ULK4: variants seen among roughly 807,000 people sequenced by gnomAD.
ULK4 encodes unc-51 like kinase 4.
A neutral mutation model predicts 160.6 loss-of-function variants in ULK4; 133 were observed. The observed-to-expected ratio is 0.83, with a 90% CI of 0.72 to 0.96. The LOEUF is 0.96. Ranked by LOEUF, ULK4 falls within the 40% of genes least tolerant of loss-of-function variation. The pLI, the probability that ULK4 is intolerant of heterozygous loss-of-function variation, is 0.00. For synonymous variants in ULK4, 534 were observed against 539.8 expected (o/e 0.99, Z 0.15); for missense variants, 1,580 against 1,499.5 (o/e 1.05, Z -0.89).
At chr3:41,383,069 A>C (rs2125796924) in intron 35 of ULK4, among the ~76,000 whole-genome samples, 1 of 152,022 alleles carries the variant, frequency 6.6e-6, no homozygotes, top group Non-Finnish European at 1.5e-5. Context: ...TTACAACCAC[A>C]AGGAGGTATT....
chr3:41,697,235 C>T (rs546781045), intron 27 of ULK4, among the ~76,000 whole-genome samples: 98 of 152,236 alleles, frequency 6.4e-4, no homozygotes, highest in African/African-American at 2.1e-3. Flanking sequence ...GGCACAATGA[C>T]GCTTCGGTCA....
chr3:41,553,888 C>A (rs996595294), intron 32 of ULK4, among the ~76,000 whole-genome samples: 1 of 152,016 alleles, frequency 6.6e-6, no homozygotes, highest in Non-Finnish European at 1.5e-5. Context: ...TTTATTATAG[C>A]CACCCTGTTG....
intron 34 of ULK4, among the ~76,000 whole-genome samples, chr3:41,453,947 T>C (rs1335956399): frequency 2.1e-5 from 3 of 142,392 alleles, no homozygotes; most frequent in South Asian, 4.5e-4. Context: ...AAACACCACA[T>C]GTTCTCACTC....
At chr3:41,336,779 C>A (rs1038288692) in intron 35 of ULK4, among the ~76,000 whole-genome samples, 1 of 152,032 alleles carries the variant, frequency 6.6e-6, no homozygotes. Flanking sequence ...GGAAGACTGG[C>A]GGTTCAAATC....
At chr3:41,593,728 G>C (rs945384786) in intron 31 of ULK4, among the ~76,000 whole-genome samples, 1 of 151,954 alleles carries the variant, frequency 6.6e-6, no homozygotes, top group Non-Finnish European at 1.5e-5. Flanking sequence ...TGTACCACTC[G>C]TGTAAAAAGA....
chr3:41,273,750 G>A (rs2079180531), intron 35 of ULK4, among the ~76,000 whole-genome samples: 1 of 152,122 alleles, frequency 6.6e-6, no homozygotes, highest in Admixed American at 6.5e-5. Context: ...CTCATGAATG[G>A]CTTGGGGCTA....
chr3:41,886,842 G>A (rs1372038005), intron 16 of ULK4, among the ~76,000 whole-genome samples: 1 of 152,160 alleles, frequency 6.6e-6, no homozygotes, highest in Non-Finnish European at 1.5e-5. Flanking sequence ...CCAAAGTGCT[G>A]AGATACAAGT....
intron 20 of ULK4, among the ~76,000 whole-genome samples, chr3:41,799,015 T>C (rs1365534885): frequency 6.6e-6 from 1 of 152,018 alleles, no homozygotes; most frequent in African/African-American, 2.4e-5. Context: ...AGAAAGCAGT[T>C]GGGATAGTTC....
At chr3:41,730,063 A>C (rs777634181) in intron 22 of ULK4, among the ~76,000 whole-genome samples, 4 of 152,256 alleles carry the variant, frequency 2.6e-5, no homozygotes, top group African/African-American at 9.6e-5. Context: ...AGGGTCAAGG[A>C]AAAATTTTTT....
chr3:41,367,416 C>T (rs760459077), intron 35 of ULK4, among the ~76,000 whole-genome samples: 9 of 152,154 alleles, frequency 5.9e-5, no homozygotes, highest in Non-Finnish European at 1.0e-4. Flanking sequence ...TGGTAGAGGG[C>T]GATGGCTCTG....
chr3:41,608,903 C>T (rs1422120386), intron 31 of ULK4, among the ~76,000 whole-genome samples: 2 of 152,172 alleles, frequency 1.3e-5, no homozygotes, highest in Non-Finnish European at 2.9e-5. Flanking sequence ...TTGGGAAGTA[C>T]ACTGTTCAAC....
chr3:41,754,755 A>G (rs568843736), intron 21 of ULK4, among the ~76,000 whole-genome samples: 1 of 152,176 alleles, frequency 6.6e-6, no homozygotes, highest in African/African-American at 2.4e-5. Context: ...AATTTACCCA[A>G]ATTCAGAGTT....
At chr3:41,742,121 T>C (rs2038259688) in intron 22 of ULK4, among the ~76,000 whole-genome samples, 1 of 151,550 alleles carries the variant, frequency 6.6e-6, no homozygotes, top group Non-Finnish European at 1.5e-5. Flanking sequence ...CCTCCAGTTT[T>C]AGTGGGACCA....
chr3:41,758,748 C>G (rs1442377277), intron 21 of ULK4, among the ~76,000 whole-genome samples: 1 of 151,940 alleles, frequency 6.6e-6, no homozygotes, highest in Non-Finnish European at 1.5e-5. Context: ...TGGCGGGTGC[C>G]TGTAGTCCCA....
intron 32 of ULK4, among the ~76,000 whole-genome samples, chr3:41,552,549 T>C (rs945960507): frequency 6.6e-6 from 1 of 151,028 alleles, no homozygotes; most frequent in African/African-American, 2.4e-5. Context: ...ACCAAGGAGG[T>C]AAAATACCTC....
rs770082131 is a variant in ULK4, at chr3:41,916,032, A to G, written c.748T>C (p.Ser250Pro). ...TCAAGCAAATTAATAAAATCTGAAG[A>G]AGCTTTAGGACGAGAAGAATCTATA... ...IPKDSSRPKA[S>P]SDFINLLDGL... Residue 250 changes from serine (S) to proline (P), a missense_variant, in exon 8 of 37, where the codon TCT becomes CCT. By Grantham distance (74) the Ser-to-Pro change is moderately conservative. Coordinates refer to ENST00000301831, the MANE Select transcript of ULK4 (RefSeq NM_017886.4). The G allele has an allele frequency of 8.0e-5, 127 of 1,591,994 alleles. No homozygotes were observed. The highest frequency in any genetic ancestry group is 1.0e-4 in the Non-Finnish European group (123 of 1,174,210).
At chr3:41,522,220 G>A (rs1255902835) in intron 32 of ULK4, among the ~76,000 whole-genome samples, 1 of 148,762 alleles carries the variant, frequency 6.7e-6, no homozygotes, top group South Asian at 2.1e-4. Context: ...CCTGCCTTCT[G>A]GGTTCAAGTA....
chr3:41,655,613 A>G (rs2034910990), intron 30 of ULK4, among the ~76,000 whole-genome samples: 1 of 152,148 alleles, frequency 6.6e-6, no homozygotes, highest in Non-Finnish European at 1.5e-5. Flanking sequence ...AGGCTAAGGC[A>G]GAAGGATTGC....
intron 17 of ULK4, among the ~76,000 whole-genome samples, chr3:41,845,545 A>G (rs1199223624): frequency 2.6e-5 from 4 of 152,166 alleles, no homozygotes; most frequent in African/African-American, 9.7e-5. Context: ...GTAAGAGGAT[A>G]GGGTCATAAA....
Sources: allele counts gnomAD v4.1 joint callset (sites outside exome capture counted in the v4.1 genomes callset), GRCh38; gene constraint gnomAD v4.1.1; transcripts MANE v1.5; gene names NCBI Gene and HGNC (gene_info 2026-07-23, HGNC 2026-07-21).